The following CDH9 variants were observed in gnomAD, a reference collection of about 807,000 sequenced individuals.
CDH9 encodes cadherin 9, also known as cadherin-9.
In CDH9, 28 loss-of-function variants were observed where a neutral mutation model predicts 70.9. The observed-to-expected ratio is 0.40, with a 90% CI of 0.29 to 0.54. CDH9 has a LOEUF of 0.54. CDH9 is among the 20% of genes least tolerant of loss of function. The probability of loss-of-function intolerance (pLI) is 0.59; values close to 1 mark genes in which losing one functional copy is unlikely to be tolerated. For synonymous variants in CDH9, 409 were observed against 343.1 expected, an observed-to-expected ratio of 1.19 and a Z score of -2.12; for missense variants, 874 against 984.4, an observed-to-expected ratio of 0.89 and a Z score of 1.50.
At chr5:26,884,195 C>T (rs887793460) in intron 11 of CDH9, among the ~76,000 whole-genome samples, 21 of 151,988 alleles carry the variant, frequency 1.4e-4, no homozygotes, top group African/African-American at 4.6e-4. Flanking sequence ...AGGAAACCTT[C>T]TAGGATTTCT....
At chr5:26,951,945 A>ATTTATTTTATTTTAT (rs70939787) in intron 2 of CDH9, among the ~76,000 whole-genome samples, 11,879 of 119,226 alleles carry the variant, frequency 0.1, 968 homozygotes, top group East Asian at 0.23. Context: ...TCATGTTAAA[A>ATTTATTTTATTTTAT]TTTATTTTAT....
intron 1 of CDH9, among the ~76,000 whole-genome samples, chr5:27,035,541 TTTC>T (rs1743376523): frequency 1.3e-5 from 2 of 151,858 alleles, no homozygotes; most frequent in African/African-American, 2.4e-5. Context: ...TTTAGCATGC[TTTC>T]TTCTTCTTTA....
rs745758533 is a variant in CDH9, at chr5:26,915,748, A to G, written c.405T>C (p.Thr135=). Residue 135 remains threonine (T), a synonymous_variant, in exon 3 of 12, where the codon ACT becomes ACC. Transcript: ENST00000231021. ...CCGATTCCGGTTCCACCTGCCGCCC[A>G]GTTTTTCTGTCTATAGCCTTGGCAC... is the stretch of plus-strand genomic sequence containing the variant. ...ILRAKAIDRK[T]GRQVEPESEF... 6.2e-6 allele frequency: 10 copies of G among 1,613,490 alleles called. No homozygotes were observed. In the Middle Eastern group the frequency reaches 4.9e-4, roughly 80 times the overall value.
rs1481047934 is a variant in CDH9, at chr5:26,902,622, C to T, written c.1107G>A (p.Val369=). 3 of 1,602,014 alleles carry T rather than the reference C, an allele frequency of 1.9e-6. No individual in the cohort carries two copies. In the Admixed American group the frequency reaches 5.0e-5, roughly 27 times the overall value. The change falls in exon 7 of 12, where the codon GTG becomes GTA. Residue 369 remains valine (V), a synonymous_variant. Transcript: ENST00000231021. ...CTATATCTTCCACAGATATTTTGACCACAGCTGTATCTTTGAAAGGTCCCA... is the reference window on the plus strand; with the variant it reads ...CTATATCTTCCACAGATATTTTGACTACAGCTGTATCTTTGAAAGGTCCCA... The part of the protein sequence containing the change: ...LHLGPFKDTA[V]VKISVEDIDE...
chr5:26,981,112 C>T (rs965642266), intron 2 of CDH9, among the ~76,000 whole-genome samples: 38 of 151,952 alleles, frequency 2.5e-4, no homozygotes, highest in Non-Finnish European at 8.8e-5. Context: ...CTAATATGTA[C>T]CCAGAACTTT....
At chr5:26,923,697 A>C (rs1180161375) in intron 2 of CDH9, among the ~76,000 whole-genome samples, 2 of 152,088 alleles carry the variant, frequency 1.3e-5, no homozygotes, top group African/African-American at 4.8e-5. Flanking sequence ...TAAACAATTG[A>C]AATAATATCA....
chr5:26,959,726 T>G (rs1337406089), intron 2 of CDH9, among the ~76,000 whole-genome samples: 3 of 152,036 alleles, frequency 2.0e-5, no homozygotes, highest in African/African-American at 4.8e-5. Flanking sequence ...AAAAACGTTT[T>G]GCTAAGTGAA....
At chr5:27,021,966 T>A (rs1459408447) in intron 1 of CDH9, among the ~76,000 whole-genome samples, 1 of 152,044 alleles carries the variant, frequency 6.6e-6, no homozygotes, top group Non-Finnish European at 1.5e-5. Context: ...CACTATCGGA[T>A]ACTCTCGTGT....
intron 2 of CDH9, among the ~76,000 whole-genome samples, chr5:26,951,192 C>A (rs565199112): frequency 7.2e-6 from 1 of 138,008 alleles, no homozygotes; most frequent in South Asian, 2.5e-4. Context: ...ACCCAGGAGG[C>A]TGAGGCAGGA....
At chr5:27,018,111 CT>C (rs1431931401) in intron 1 of CDH9, among the ~76,000 whole-genome samples, 1 of 151,598 alleles carries the variant, frequency 6.6e-6, no homozygotes, top group South Asian at 2.1e-4. Flanking sequence ...AGGTTAAGAT[CT>C]ATTTTCTTTC....
rs764513706 is a variant in CDH9, at chr5:26,915,932, G to A, written c.229-8C>T. ...ATCTTGGTCAGTGTGAAGCTTTAGA[G>A]AGGTAGAAAAGAAGAGTTCTGTAAA... is the stretch of plus-strand genomic sequence containing the variant. On this transcript the variant is annotated splice_polypyrimidine_tract_variant and splice_region_variant and intron_variant, in intron 2 of 11. Coordinates refer to ENST00000231021, the MANE Select transcript of CDH9 (RefSeq NM_016279.4). The A allele has an allele frequency of 5.1e-6, 8 of 1,572,216 alleles. No homozygotes were observed. The African/African-American group carries it at 9.6e-5, about 19-fold the overall frequency.
chr5:27,011,912 A>ATAATAATAAAACT (rs1468355919), intron 1 of CDH9, among the ~76,000 whole-genome samples: 3 of 151,908 alleles, frequency 2.0e-5, no homozygotes, highest in Non-Finnish European at 2.9e-5. Context: ...ATTTGTTATA[A>ATAATAATAAAACT]TAATAATAAA....
At chr5:26,981,908 T>A (rs1742406204) in intron 2 of CDH9, among the ~76,000 whole-genome samples, 1 of 152,018 alleles carries the variant, frequency 6.6e-6, no homozygotes. Flanking sequence ...ATGTTCCTGG[T>A]TTTTAACAGG....
intron 2 of CDH9, among the ~76,000 whole-genome samples, chr5:26,920,293 G>C (rs1343655385): frequency 6.6e-6 from 1 of 151,726 alleles, no homozygotes; most frequent in Non-Finnish European, 1.5e-5. Context: ...GAGGAAAGGG[G>C]AGGGAAGACT....
At chr5:27,025,198 T>C (rs1743201136) in intron 1 of CDH9, among the ~76,000 whole-genome samples, 2 of 152,108 alleles carry the variant, frequency 1.3e-5, no homozygotes, top group African/African-American at 4.8e-5. Context: ...GCATTACAAC[T>C]GTTTAATTCA....
In CDH9 at chr5:26,881,322, A is replaced by C. The variant is rs1379698223; in HGVS notation, c.2184T>G (p.Ser728Arg). Reference protein sequence around the residue: ...RRLKENDADPSAPPYDSLATY... With the variant: ...RRLKENDADPRAPPYDSLATY... Reference sequence around the variant, plus strand: ...TTGCCAGCGAATCATATGGAGGTGCACTTGGGTCTGCGTCGTTTTCTTTTA... The same window carrying C: ...TTGCCAGCGAATCATATGGAGGTGCCCTTGGGTCTGCGTCGTTTTCTTTTA... Residue 728 changes from serine (S) to arginine (R), a missense_variant, in exon 12 of 12, where the codon AGT becomes AGG. Coordinates refer to ENST00000231021, the MANE Select transcript of CDH9 (RefSeq NM_016279.4). 1 of 1,613,132 alleles carries C rather than the reference A, an allele frequency of 6.2e-7. No homozygotes were observed.
chr5:26,882,599 A>G (rs1224376479), intron 11 of CDH9, among the ~76,000 whole-genome samples: 2 of 152,080 alleles, frequency 1.3e-5, no homozygotes, highest in Non-Finnish European at 2.9e-5. Context: ...TTTCCATTAA[A>G]GATTGCACAA....
At chr5:26,976,862 A>G (rs1213541567) in intron 2 of CDH9, among the ~76,000 whole-genome samples, 4 of 151,948 alleles carry the variant, frequency 2.6e-5, no homozygotes, top group Non-Finnish European at 5.9e-5. Flanking sequence ...TTATCAATTT[A>G]TAAATATTAG....
rs184774112 is a variant in CDH9, at chr5:26,955,709, G to T, written c.228+32397C>A. 4.0e-3 allele frequency among the ~76,000 whole-genome samples: 603 copies of T among 152,152 alleles called. 15 individuals carry two copies. The highest frequency in any genetic ancestry group is 3.3e-3 in the East Asian group (17 of 5,156). ...AGATTCCGGGATTTAGGACATGGGC[G>T]TATTTAGGAGCCATCATTCATCTTA... On this transcript the variant is annotated intron_variant, in intron 2 of 11. Transcript: ENST00000231021.
Sources: allele counts gnomAD v4.1 joint callset (sites outside exome capture counted in the v4.1 genomes callset), GRCh38; gene constraint gnomAD v4.1.1; transcripts MANE v1.5; gene names NCBI Gene and HGNC (gene_info 2026-07-23, HGNC 2026-07-21).